SLC35F4: variants seen among roughly 807,000 people sequenced by gnomAD.
SLC35F4 encodes the protein solute carrier family 35 member F4, also known as chromosome 14 open reading frame 36.
A neutral mutation model predicts 44.2 loss-of-function variants in SLC35F4; 24 were observed. The ratio of observed to expected loss-of-function variants is 0.54; its 90% CI spans 0.39 to 0.76. The LOEUF (loss-of-function observed/expected upper bound fraction) is 0.76. SLC35F4 is among the 30% of genes least tolerant of loss of function. SLC35F4 has a pLI of 0.00. For missense variants in SLC35F4, 562 were observed against 586.1 expected, an observed-to-expected ratio of 0.96 and a Z score of 0.42; for synonymous variants, 238 against 223.6, an observed-to-expected ratio of 1.06 and a Z score of -0.57.
intron 1 of SLC35F4, among the ~76,000 whole-genome samples, chr14:57,709,646 G>A (rs1244588083): frequency 2.0e-5 from 3 of 152,132 alleles, no homozygotes; most frequent in African/African-American, 7.2e-5. Context: ...CTATGCATTA[G>A]CAAAGAGACT....
Position 57,946,268 on chromosome 14 carries a change from G to A in SLC35F4, n.282+35645C>T, listed in dbSNP as rs183147947. Among the ~76,000 whole-genome samples the A allele has an allele frequency of 7.5e-4, 114 of 152,094 alleles. No individual in the cohort carries two copies. In the South Asian group the frequency reaches 0.01, roughly 14 times the overall value. On this transcript the variant is annotated intron_variant and non_coding_transcript_variant, in intron 1 of 1. Transcript: ENST00000556568. Reference sequence around the variant, plus strand: ...ATTTTCATGGTTTCAGGTCTTAGATGTATGCCTTTGATCCATCTTGAGTTG... The same window carrying A: ...ATTTTCATGGTTTCAGGTCTTAGATATATGCCTTTGATCCATCTTGAGTTG...
At chr14:57,912,518 C>G (rs907340156) in intron 1 of SLC35F4, among the ~76,000 whole-genome samples, 1 of 151,868 alleles carries the variant, frequency 6.6e-6, no homozygotes, top group Non-Finnish European at 1.5e-5. Context: ...GAGATTTTGC[C>G]TTTGACCCAT....
At chr14:57,864,532 A>G (rs1159177440) in intron 1 of SLC35F4, among the ~76,000 whole-genome samples, 2 of 152,220 alleles carry the variant, frequency 1.3e-5, no homozygotes, top group Non-Finnish European at 2.9e-5. Context: ...TTATTATTCA[A>G]TAGAGAGGAA....
chr14:57,746,480 T>G (rs2140537063), intron 1 of SLC35F4, among the ~76,000 whole-genome samples: 1 of 152,300 alleles, frequency 6.6e-6, no homozygotes, highest in Admixed American at 6.5e-5. Context: ...AAATCAACCT[T>G]GCATCTCTGG....
intron 1 of SLC35F4, among the ~76,000 whole-genome samples, chr14:57,664,167 C>T (rs1377071117): frequency 6.6e-6 from 1 of 152,134 alleles, no homozygotes; most frequent in Non-Finnish European, 1.5e-5. Context: ...CATGCAGTTA[C>T]CAGAGACAGA....
intron 1 of SLC35F4, among the ~76,000 whole-genome samples, chr14:57,749,690 T>C (rs1283894229): frequency 6.6e-6 from 1 of 152,122 alleles, no homozygotes; most frequent in Non-Finnish European, 1.5e-5. Context: ...AGAGCCTCCT[T>C]TGGGGACTTA....
chr14:57,665,142 C>T (rs2074265812), intron 1 of SLC35F4, among the ~76,000 whole-genome samples: 1 of 151,964 alleles, frequency 6.6e-6, no homozygotes, highest in African/African-American at 2.4e-5. Flanking sequence ...CCACCACCAC[C>T]CCGCACACAC....
At chr14:57,608,310 A>C (rs758450017) in intron 1 of SLC35F4, among the ~76,000 whole-genome samples, 6 of 152,214 alleles carry the variant, frequency 3.9e-5, no homozygotes, top group Middle Eastern at 3.2e-3. Context: ...GATCAAATTA[A>C]AATGAGGTCA....
At chr14:57,966,876 G>A (rs1880879673) in intron 1 of SLC35F4, among the ~76,000 whole-genome samples, 1 of 152,098 alleles carries the variant, frequency 6.6e-6, no homozygotes, top group Non-Finnish European at 1.5e-5. Context: ...CGGGCATGGT[G>A]GCACATGCCT....
intron 1 of SLC35F4, among the ~76,000 whole-genome samples, chr14:57,741,051 A>C (rs1191233982): frequency 1.3e-5 from 2 of 152,230 alleles, no homozygotes; most frequent in Non-Finnish European, 2.9e-5. Flanking sequence ...AACAAACAGA[A>C]AGGACAAACA....
chr14:57,737,123 T>TGC (rs2076485284), intron 1 of SLC35F4, among the ~76,000 whole-genome samples: 1 of 150,654 alleles, frequency 6.6e-6, no homozygotes, highest in Non-Finnish European at 1.5e-5. Context: ...TGTGTGTGTG[T>TGC]GCATGTGTGT....
At chr14:57,582,751 TA>T (rs1400388876) in intron 3 of SLC35F4, among the ~76,000 whole-genome samples, 5 of 152,244 alleles carry the variant, frequency 3.3e-5, no homozygotes, top group Non-Finnish European at 5.9e-5. Flanking sequence ...ACTCTAGTAC[TA>T]GTTTCTTTTC....
intron 1 of SLC35F4, among the ~76,000 whole-genome samples, chr14:57,897,513 G>C (rs1888897854): frequency 6.6e-6 from 1 of 151,786 alleles, no homozygotes; most frequent in Admixed American, 6.6e-5. Flanking sequence ...AGTCCAAGCA[G>C]AAGGCAGTGA....
rs1403686942 is a variant in SLC35F4, at chr14:57,664,843, A to T, written c.104-70719T>A. ...GCTTTCTGTCCTCCAGGCCTGTCCC[A>T]ATGATCTGAAAATACAAATCTACTA... On this transcript the variant is annotated intron_variant, in intron 1 of 7. Coordinates refer to ENST00000556826, the MANE Select transcript of SLC35F4 (RefSeq NM_001306087.2). Among the ~76,000 whole-genome samples, 32 of 152,180 alleles carry T rather than the reference A, an allele frequency of 2.1e-4. 1 individual carries two copies. The highest frequency in any genetic ancestry group is 2.0e-3 in the Admixed American group (31 of 15,272).
chr14:57,698,390 G>C (rs2075442891), intron 1 of SLC35F4, among the ~76,000 whole-genome samples: 3 of 152,126 alleles, frequency 2.0e-5, no homozygotes, highest in African/African-American at 7.2e-5. Flanking sequence ...ATTTTGAAAG[G>C]TTCTTAATGC....
chr14:57,575,488 A>G (rs1221619018), intron 4 of SLC35F4, among the ~76,000 whole-genome samples: 1 of 152,156 alleles, frequency 6.6e-6, no homozygotes, highest in Non-Finnish European at 1.5e-5. Flanking sequence ...CTCAAAAACA[A>G]ACAAAAAAGA....
intron 1 of SLC35F4, among the ~76,000 whole-genome samples, chr14:57,767,327 CA>C (rs1278352243): frequency 2.6e-5 from 4 of 152,128 alleles, no homozygotes; most frequent in South Asian, 4.1e-4. Flanking sequence ...GGCCATAAAA[CA>C]AACCTAACAA....
chr14:57,743,648 A>G (rs1388203014), intron 1 of SLC35F4, among the ~76,000 whole-genome samples: 1 of 152,198 alleles, frequency 6.6e-6, no homozygotes, highest in Non-Finnish European at 1.5e-5. Context: ...CCAGAGGTAC[A>G]AAGAGGAGCT....
At chr14:57,581,042 A>T (rs1349323158) in intron 4 of SLC35F4, 172 bp downstream of exon 4, 3 of 526,308 alleles carry the variant, frequency 5.7e-6, no homozygotes, top group Non-Finnish European at 9.4e-6. Flanking sequence ...TTATCCTTCT[A>T]TGATGTTGCA....
Sources: gnomAD v4.1 joint callset for allele counts (sites outside exome capture counted in the v4.1 genomes callset) on GRCh38, gnomAD v4.1.1 for gene constraint, MANE v1.5 for transcripts, NCBI Gene and HGNC (gene_info 2026-07-23, HGNC 2026-07-21) for gene names.